Variants in PLEKHH2 observed in about 807,000 individuals in gnomAD.
PLEKHH2 encodes the protein pleckstrin homology domain-containing family H member 2.
In PLEKHH2, 129 loss-of-function variants were observed where a neutral mutation model predicts 187.9. The ratio of observed to expected loss-of-function variants is 0.69; its 90% CI spans 0.59 to 0.79. PLEKHH2 has a LOEUF of 0.79. Among genes scored for constraint, PLEKHH2 ranks in the 30% least tolerant of loss-of-function variants. The pLI, the probability that PLEKHH2 is intolerant of heterozygous loss-of-function variation, is 0.00. For synonymous variants in PLEKHH2, 686 were observed against 605.6 expected (o/e 1.13, Z -1.95); for missense variants, 2,076 against 1,751.2 (o/e 1.19, Z -3.31).
At chr2:43,739,886 A>C (rs1288546913) in intron 20 of PLEKHH2, among the ~76,000 whole-genome samples, 1 of 152,214 alleles carries the variant, frequency 6.6e-6, no homozygotes, top group African/African-American at 2.4e-5. Context: ...ATTCCCTGTG[A>C]TGCCTTCCTT....
intron 2 of PLEKHH2, chr2:43,658,838 G>A (rs1281485556): frequency 6.6e-6 from 1 of 152,184 alleles, no homozygotes; most frequent in Non-Finnish European, 1.5e-5. Context: ...TGTGAAGGAA[G>A]CAACTACACA....
intron 2 of PLEKHH2, among the ~76,000 whole-genome samples, chr2:43,678,425 G>A (rs1377971838): frequency 1.3e-5 from 2 of 152,198 alleles, no homozygotes; most frequent in Non-Finnish European, 2.9e-5. Flanking sequence ...GCACCATTGA[G>A]CACTGAGTGA....
intron 2 of PLEKHH2, among the ~76,000 whole-genome samples, chr2:43,673,046 C>A (rs1323335411): frequency 6.6e-6 from 1 of 152,086 alleles, no homozygotes; most frequent in African/African-American, 2.4e-5. Flanking sequence ...TCATTTACAT[C>A]TTTTCATATA....
chr2:43,645,167 G>A (rs964950257), intron 2 of PLEKHH2, among the ~76,000 whole-genome samples: 1 of 152,036 alleles, frequency 6.6e-6, no homozygotes, highest in African/African-American at 2.4e-5. Flanking sequence ...AGTAAAATGT[G>A]TTTATACCGT....
At chr2:43,708,838 G>A (rs946976771) in intron 11 of PLEKHH2, among the ~76,000 whole-genome samples, 1 of 152,124 alleles carries the variant, frequency 6.6e-6, no homozygotes, top group Non-Finnish European at 1.5e-5. Context: ...GACAATCACT[G>A]AGGTCCCTAT....
chr2:43,678,412 T>G (rs58072175), intron 2 of PLEKHH2, among the ~76,000 whole-genome samples: 1 of 152,146 alleles, frequency 6.6e-6, no homozygotes, highest in African/African-American at 2.4e-5. Context: ...CACTCCAGCC[T>G]GGGCACCATT....
At chr2:43,682,489 G>GT (rs1236124094) in intron 3 of PLEKHH2, among the ~76,000 whole-genome samples, 21 of 151,990 alleles carry the variant, frequency 1.4e-4, no homozygotes, top group Admixed American at 1.3e-3. Context: ...TGTATTTTTA[G>GT]AGAGATGGGG....
At chr2:43,653,727 G>A (rs1666601951) in intron 2 of PLEKHH2, among the ~76,000 whole-genome samples, 1 of 152,108 alleles carries the variant, frequency 6.6e-6, no homozygotes. Flanking sequence ...AAAACCAGAC[G>A]TGAACAAACA....
At chr2:43,748,662 C>T (rs1444503032) in intron 24 of PLEKHH2, among the ~76,000 whole-genome samples, 1 of 152,202 alleles carries the variant, frequency 6.6e-6, no homozygotes, top group African/African-American at 2.4e-5. Flanking sequence ...TAACGGTCCT[C>T]ATTGCTGCCC....
chr2:43,722,232 G>A (rs1312966185), intron 16 of PLEKHH2, among the ~76,000 whole-genome samples: 2 of 149,830 alleles, frequency 1.3e-5, no homozygotes, highest in Middle Eastern at 3.2e-3. Flanking sequence ...TTCCAGCCTG[G>A]GCGACAGAGT....
At chr2:43,755,230 G>C (rs924003144) in intron 25 of PLEKHH2, among the ~76,000 whole-genome samples, 4 of 152,016 alleles carry the variant, frequency 2.6e-5, no homozygotes, top group Non-Finnish European at 4.4e-5. Flanking sequence ...TTCACATTCT[G>C]TCTCCTCTTT....
chr2:43,765,657 C>T lies in PLEKHH2; in HGVS notation c.*59C>T. ...TCCATGCTGTGGCTGTATCAGCTCCCTACAAGTTCGTTTACACCTGGCAGC... is the reference window on the plus strand; with the variant it reads ...TCCATGCTGTGGCTGTATCAGCTCCTTACAAGTTCGTTTACACCTGGCAGC... On this transcript the variant is annotated 3_prime_UTR_variant, in exon 30 of 30. Coordinates refer to ENST00000282406, the MANE Select transcript of PLEKHH2 (RefSeq NM_172069.4). 2.0e-6 allele frequency: 3 copies of T among 1,535,020 alleles called. No individual in the cohort carries two copies. Among genetic ancestry groups the T allele is most frequent in the Non-Finnish European group, 2.6e-6 (3 of 1,139,130 alleles).
At chr2:43,709,760 CA>C (rs1669854198) in intron 11 of PLEKHH2, among the ~76,000 whole-genome samples, 1 of 152,156 alleles carries the variant, frequency 6.6e-6, no homozygotes, top group African/African-American at 2.4e-5. Flanking sequence ...CGCTTGAACC[CA>C]GGAGGCAGAG....
chr2:43,678,972 A>G, intron 3 of PLEKHH2, 47 bp downstream of exon 3: 15 of 1,298,816 alleles, frequency 1.2e-5, no homozygotes, highest in Middle Eastern at 2.5e-4. Context: ...TACTACTCAC[A>G]TAAAGATTGT....
Position 43,706,352 on chromosome 2 carries a change from C to T in PLEKHH2, c.1757C>T (p.Ser586Leu), listed in dbSNP as rs149873794. Residue 586 changes from serine to leucine, a missense_variant, in exon 10 of 30, where the codon TCA (serine) becomes TTA (leucine). Coordinates refer to ENST00000282406, the MANE Select transcript of PLEKHH2 (RefSeq NM_172069.4). Reference sequence around the variant, plus strand: ...GCTGCAACCCTTTCCTATACTACATCAGGACTTTATACATCTCTGATATAC... The same window carrying T: ...GCTGCAACCCTTTCCTATACTACATTAGGACTTTATACATCTCTGATATAC... ...NSAATLSYTTSGLYTSLIYKN... is the reference protein window; with the variant it reads ...NSAATLSYTTLGLYTSLIYKN... The T allele has an allele frequency of 1.9e-5, 31 of 1,609,628 alleles. No individual in the cohort carries two copies. The highest frequency in any genetic ancestry group is 2.3e-5 in the Non-Finnish European group (27 of 1,176,328).
At chr2:43,651,735 T>C (rs1350804649) in intron 2 of PLEKHH2, among the ~76,000 whole-genome samples, 2 of 152,220 alleles carry the variant, frequency 1.3e-5, no homozygotes, top group Non-Finnish European at 2.9e-5. Context: ...ATATTCACTC[T>C]GAACATCAAT....
chr2:43,750,862 T>C (rs1159977947), intron 24 of PLEKHH2, among the ~76,000 whole-genome samples: 3 of 151,974 alleles, frequency 2.0e-5, no homozygotes, highest in Non-Finnish European at 4.4e-5. Flanking sequence ...GTGAATAGAG[T>C]TTCCTTGCCC....
intron 24 of PLEKHH2, among the ~76,000 whole-genome samples, chr2:43,750,643 C>A (rs1671973056): frequency 1.3e-5 from 2 of 152,162 alleles, no homozygotes. Flanking sequence ...ATCCTTACAA[C>A]CCTTTGAGGT....
chr2:43,659,803 CCT>C (rs1337539223), intron 2 of PLEKHH2, among the ~76,000 whole-genome samples: 1 of 151,898 alleles, frequency 6.6e-6, no homozygotes, highest in African/African-American at 2.4e-5. Flanking sequence ...AAGTGATCCG[CCT>C]GCCTTGTCCT....
Sources: gnomAD v4.1 joint callset for allele counts (sites outside exome capture counted in the v4.1 genomes callset) on GRCh38, gnomAD v4.1.1 for gene constraint, MANE v1.5 for transcripts, NCBI Gene and HGNC (gene_info 2026-07-23, HGNC 2026-07-21) for gene names.